Variants in ALCAM observed in about 807,000 individuals in gnomAD.
ALCAM encodes the protein CD166 antigen.
A neutral mutation model predicts 70.9 loss-of-function variants in ALCAM; 30 were observed. The observed-to-expected ratio is 0.42, with a 90% CI of 0.32 to 0.57. ALCAM has a LOEUF of 0.57. Ranked by LOEUF, ALCAM falls within the 20% of genes least tolerant of loss-of-function variation. The pLI, the probability that ALCAM is intolerant of heterozygous loss-of-function variation, is 0.11. For missense variants in ALCAM, 591 were observed against 695.1 expected (o/e 0.85, Z 1.68); for synonymous variants, 249 against 242.5 (o/e 1.03, Z -0.25).
chr3:105,369,624 C>G (rs1935174515), intron 1 of ALCAM, among the ~76,000 whole-genome samples: 1 of 152,232 alleles, frequency 6.6e-6, no homozygotes, highest in South Asian at 2.1e-4. Context: ...CATAGCAGAG[C>G]CCGGTGGGGG....
At chr3:105,523,888 G>T (rs931995825) in intron 2 of ALCAM, among the ~76,000 whole-genome samples, 1 of 152,120 alleles carries the variant, frequency 6.6e-6, no homozygotes, top group Admixed American at 6.5e-5. Context: ...AAAGATAATT[G>T]CCCAAAATAT....
At chr3:105,559,743 GA>G (rs1295608257) in intron 14 of ALCAM, among the ~76,000 whole-genome samples, 2 of 152,046 alleles carry the variant, frequency 1.3e-5, no homozygotes, top group African/African-American at 4.8e-5. Flanking sequence ...GTCTCCTTAG[GA>G]AACCACTGGC....
At chr3:105,477,499 C>A (rs1303967985) in intron 1 of ALCAM, among the ~76,000 whole-genome samples, 1 of 152,010 alleles carries the variant, frequency 6.6e-6, no homozygotes, top group Non-Finnish European at 1.5e-5. Flanking sequence ...TGTAATAGGT[C>A]AATTTTCTCT....
chr3:105,395,145 A>T (rs1935918890), intron 1 of ALCAM, among the ~76,000 whole-genome samples: 1 of 151,276 alleles, frequency 6.6e-6, no homozygotes, highest in Non-Finnish European at 1.5e-5. Context: ...CCGCCCTGCC[A>T]ACTTATTAAC....
At chr3:105,568,442 C>T (rs1007724387) in intron 14 of ALCAM, among the ~76,000 whole-genome samples, 4 of 152,048 alleles carry the variant, frequency 2.6e-5, no homozygotes, top group African/African-American at 7.2e-5. Flanking sequence ...GGTTTCAGTA[C>T]CAAGACTGAT....
rs1397549212 is a variant in ALCAM at position 105,539,999 on chromosome 3, A to T, written c.755A>T (p.Gln252Leu). ...GATCCTACAGAGCAGGTGACAATAC[A>T]AGTGCTGCCACCAAAAAATGCCATC... ...IYYPTEQVTIQVLPPKNAIKE... is the reference protein window; with the variant it reads ...IYYPTEQVTILVLPPKNAIKE... The change falls in exon 7 of 16, where the codon CAA (glutamine) becomes CTA (leucine). Residue 252 changes from glutamine to leucine, a missense_variant. Around this residue, in one of 2 missense-constraint regions of ALCAM, gnomAD observed 427 missense variants for 450.4 expected, o/e 0.95. Coordinates refer to ENST00000306107, the MANE Select transcript of ALCAM (RefSeq NM_001627.4). 4 of 1,612,358 alleles carry T rather than the reference A, an allele frequency of 2.5e-6. No homozygotes were observed. In the Admixed American group the frequency reaches 6.7e-5, roughly 27 times the overall value.
intron 1 of ALCAM, among the ~76,000 whole-genome samples, chr3:105,451,203 A>G (rs1484731114): frequency 4.6e-5 from 7 of 151,964 alleles, no homozygotes; most frequent in Admixed American, 3.9e-4. Context: ...GTTCAAGACC[A>G]GCCTGGACAA....
intron 1 of ALCAM, among the ~76,000 whole-genome samples, chr3:105,488,123 C>T (rs919402563): frequency 6.6e-6 from 1 of 152,110 alleles, no homozygotes; most frequent in African/African-American, 2.4e-5. Context: ...CTTTTCCCAA[C>T]CCTTGTTTTC....
intron 1 of ALCAM, among the ~76,000 whole-genome samples, chr3:105,444,843 A>C (rs1937258384): frequency 6.6e-6 from 1 of 152,190 alleles, no homozygotes; most frequent in African/African-American, 2.4e-5. Context: ...AAATAATGAC[A>C]CCAACTTGGA....
rs1347132217 is a variant in ALCAM at position 105,524,635 on chromosome 3, A to G, written c.394+127A>G. The stretch of plus-strand genomic sequence containing the variant: ...CAGGTATCTATATAAGGGGACTTAA[A>G]GAGATCTTCATTCTGCTCATATATA... On this transcript the variant is annotated intron_variant, in intron 3 of 15. Transcript: ENST00000306107. 10 of 1,439,816 alleles carry G rather than the reference A, an allele frequency of 6.9e-6. No individual in the cohort carries two copies. The East Asian group carries it at 2.0e-4, about 28-fold the overall frequency. The allele number at this position is 1,439,816 out of a possible 1,614,324, so 89.2% of individuals were successfully genotyped here.
chr3:105,402,950 T>C (rs1576137775), intron 1 of ALCAM, among the ~76,000 whole-genome samples: 1 of 150,130 alleles, frequency 6.7e-6, no homozygotes, highest in South Asian at 2.1e-4. Flanking sequence ...TTTTTTTTTT[T>C]TTTTTTTTTT....
At chr3:105,374,663 C>G (rs1299886577) in intron 1 of ALCAM, among the ~76,000 whole-genome samples, 1 of 152,054 alleles carries the variant, frequency 6.6e-6, no homozygotes, top group Non-Finnish European at 1.5e-5. Context: ...ATTACAGGTG[C>G]CCACCAGCTC....
At chr3:105,417,183 C>T (rs961867716) in intron 1 of ALCAM, among the ~76,000 whole-genome samples, 36 of 151,950 alleles carry the variant, frequency 2.4e-4, no homozygotes, top group Non-Finnish European at 3.8e-4. Flanking sequence ...CAGGAAGGCT[C>T]TTATGTCGCC....
intron 8 of ALCAM, chr3:105,544,863 A>G (rs1464214647): frequency 4.2e-6 from 1 of 235,344 alleles, no homozygotes; most frequent in African/African-American, 2.3e-5. Flanking sequence ...CTGTCTCTTT[A>G]TATAATATTT....
intron 1 of ALCAM, among the ~76,000 whole-genome samples, chr3:105,491,271 A>T (rs981029111): frequency 9.9e-5 from 15 of 152,032 alleles, no homozygotes; most frequent in Non-Finnish European, 1.3e-4. Flanking sequence ...AACCCATGAA[A>T]CCATTTTTTC....
At chr3:105,469,956 A>G (rs975156326) in intron 1 of ALCAM, among the ~76,000 whole-genome samples, 1 of 150,856 alleles carries the variant, frequency 6.6e-6, no homozygotes, top group Non-Finnish European at 1.5e-5. Context: ...CTATAAACAC[A>G]GAAATAATCA....
At chr3:105,386,026 A>G (rs1419381678) in intron 1 of ALCAM, among the ~76,000 whole-genome samples, 2 of 151,608 alleles carry the variant, frequency 1.3e-5, no homozygotes, top group African/African-American at 4.8e-5. Flanking sequence ...TGGAGCACAT[A>G]CTATTGAATG....
intron 1 of ALCAM, among the ~76,000 whole-genome samples, chr3:105,381,916 T>A (rs1935532023): frequency 6.6e-6 from 1 of 151,474 alleles, no homozygotes; most frequent in Non-Finnish European, 1.5e-5. Flanking sequence ...TATTTTACTT[T>A]ATTTTTTTAT....
intron 1 of ALCAM, among the ~76,000 whole-genome samples, chr3:105,451,164 T>G (rs1325561150): frequency 6.6e-6 from 1 of 151,876 alleles, no homozygotes; most frequent in Non-Finnish European, 1.5e-5. Flanking sequence ...CTTGGAAGGC[T>G]AAGGTGGGAG....
Sources: gnomAD v4.1 joint callset for allele counts (sites outside exome capture counted in the v4.1 genomes callset) on GRCh38, gnomAD v4.1.1 for gene constraint, gnomAD v4.1.1 regional missense constraint, MANE v1.5 for transcripts, NCBI Gene and HGNC (gene_info 2026-07-23, HGNC 2026-07-21) for gene names.